LHFPL2: variants seen among roughly 807,000 people sequenced by gnomAD.
The protein encoded by LHFPL2 is LHFPL tetraspan subfamily member 2 protein.
In LHFPL2, 7 loss-of-function variants were observed where a neutral mutation model predicts 17.5. The ratio of observed to expected loss-of-function variants is 0.40; its 90% CI spans 0.23 to 0.75. The LOEUF (loss-of-function observed/expected upper bound fraction) is 0.75. LHFPL2 is among the 30% of genes least tolerant of loss of function. The probability of loss-of-function intolerance (pLI) is 0.37; values close to 1 mark genes in which losing one functional copy is unlikely to be tolerated. For synonymous variants in LHFPL2, 134 were observed against 116.2 expected, an observed-to-expected ratio of 1.15 and a Z score of -0.99; for missense variants, 241 against 294.8, an observed-to-expected ratio of 0.82 and a Z score of 1.34.
At chr5:78,520,944 T>C (rs1314255152) in intron 3 of LHFPL2, among the ~76,000 whole-genome samples, 2 of 152,192 alleles carry the variant, frequency 1.3e-5, no homozygotes, top group Non-Finnish European at 2.9e-5. Flanking sequence ...TTCAGACAAC[T>C]AAAATGCTTG....
chr5:78,517,480 C>T (rs1338686717), intron 3 of LHFPL2, among the ~76,000 whole-genome samples: 1 of 152,166 alleles, frequency 6.6e-6, no homozygotes, highest in African/African-American at 2.4e-5. Context: ...AAGACATACC[C>T]GAAACTGGGT....
rs150388184 is a variant in LHFPL2, at chr5:78,498,145, C to T, written c.431-8992G>A. 3.7e-3 allele frequency among the ~76,000 whole-genome samples: 563 copies of T among 152,268 alleles called. 3 individuals carry two copies. The highest frequency in any genetic ancestry group is 4.8e-3 in the Non-Finnish European group (327 of 68,024). ...GGGTGGTAAATATTAGCAGTGTGAG[C>T]CTGGAGAACGGAAAACACCACTGCG... On this transcript the variant is annotated intron_variant, in intron 4 of 4. Transcript: ENST00000380345.
chr5:78,641,605 A>G (rs1049924913), intron 1 of LHFPL2, among the ~76,000 whole-genome samples: 9 of 152,224 alleles, frequency 5.9e-5, no homozygotes, highest in Non-Finnish European at 1.2e-4. Context: ...TTTGTAAAAT[A>G]GTCTCCATAA....
intron 2 of LHFPL2, among the ~76,000 whole-genome samples, chr5:78,573,475 C>T (rs960488049): frequency 5.9e-5 from 9 of 152,222 alleles, no homozygotes; most frequent in African/African-American, 2.4e-5. Flanking sequence ...ACAGCTGCCC[C>T]ACTTAGAAGA....
chr5:78,627,441 G>A (rs1347396998), intron 2 of LHFPL2, among the ~76,000 whole-genome samples: 1 of 152,108 alleles, frequency 6.6e-6, no homozygotes, highest in Non-Finnish European at 1.5e-5. Flanking sequence ...GGTGCCAGCT[G>A]GTGGCTAGTA....
chr5:78,525,427 A>G (rs189055501), intron 3 of LHFPL2, among the ~76,000 whole-genome samples: 36 of 152,368 alleles, frequency 2.4e-4, no homozygotes, highest in Non-Finnish European at 5.0e-4. Context: ...GATAATGGTT[A>G]AAGAAAAGTC....
At chr5:78,603,076 C>G (rs1339817093) in intron 2 of LHFPL2, among the ~76,000 whole-genome samples, 1 of 151,924 alleles carries the variant, frequency 6.6e-6, no homozygotes, top group East Asian at 1.9e-4. Flanking sequence ...TTTTTTTTAG[C>G]TGAAACGGGG....
At chr5:78,597,727 A>G (rs1271141850) in intron 2 of LHFPL2, among the ~76,000 whole-genome samples, 1 of 152,236 alleles carries the variant, frequency 6.6e-6, no homozygotes, top group East Asian at 1.9e-4. Flanking sequence ...CACTTACCAA[A>G]TGTGCATGAT....
chr5:78,630,407 G>A (rs922186085), intron 2 of LHFPL2, among the ~76,000 whole-genome samples: 2 of 152,104 alleles, frequency 1.3e-5, no homozygotes, highest in Non-Finnish European at 2.9e-5. Context: ...TAACATCTGG[G>A]CTTTTTCATT....
intron 2 of LHFPL2, chr5:78,626,268 C>A (rs1745030288): frequency 6.6e-6 from 1 of 152,202 alleles, no homozygotes; most frequent in African/African-American, 2.4e-5. Context: ...ATTTCTTCTT[C>A]ATCAACTCAC....
chr5:78,533,271 T>C (rs1172539521), intron 3 of LHFPL2, among the ~76,000 whole-genome samples: 1 of 152,234 alleles, frequency 6.6e-6, no homozygotes. Flanking sequence ...TGAGGAGCAC[T>C]GAACATTGAG....
chr5:78,535,972 A>C (rs1939044522), intron 3 of LHFPL2, among the ~76,000 whole-genome samples: 3 of 152,188 alleles, frequency 2.0e-5, no homozygotes, highest in African/African-American at 4.8e-5. Context: ...CCATGGGGAC[A>C]TGGGAGTCAC....
At chr5:78,589,959 T>C (rs1743570123) in intron 2 of LHFPL2, 1 of 152,214 alleles carries the variant, frequency 6.6e-6, no homozygotes, top group South Asian at 2.1e-4. Flanking sequence ...CTGCAGGTGG[T>C]CATCTCAGAA....
rs542271449 is a variant in LHFPL2 at position 78,488,214 on chromosome 5, CTCATA to C, written c.*678_*682del. 1.1e-3 allele frequency: 170 copies of C among 152,336 alleles called. No individual in the cohort carries two copies. Among genetic ancestry groups the C allele is most frequent in the African/African-American group, 3.9e-3 (161 of 41,552 alleles). The allele number at this position is 152,336 out of a possible 1,614,324, so 9.4% of individuals were successfully genotyped here. ...ACTAGCAAGATTTCATATTTTTGTT[CTCATA>C]TGATTGTATAGGTCCTTATTGTTTC... On this transcript the variant is annotated 3_prime_UTR_variant, in exon 5 of 5. Transcript: ENST00000380345.
At chr5:78,503,071 G>C (rs933503990) in intron 4 of LHFPL2, among the ~76,000 whole-genome samples, 1 of 152,138 alleles carries the variant, frequency 6.6e-6, no homozygotes, top group Non-Finnish European at 1.5e-5. Flanking sequence ...GCTCATAAAT[G>C]TGGCTGACCG....
At chr5:78,644,134 C>A (rs987987056) in intron 1 of LHFPL2, 1 of 508,560 alleles carries the variant, frequency 2.0e-6, no homozygotes, top group African/African-American at 2.0e-5. Context: ...GTTAACTATA[C>A]AAAAAAGACA....
intron 2 of LHFPL2, among the ~76,000 whole-genome samples, chr5:78,584,071 G>A (rs1398263911): frequency 2.0e-5 from 3 of 151,236 alleles, no homozygotes; most frequent in Admixed American, 6.6e-5. Flanking sequence ...CCAGTTGATC[G>A]CATCGGCTCC....
intron 2 of LHFPL2, among the ~76,000 whole-genome samples, chr5:78,580,471 G>A (rs1253964746): frequency 2.0e-5 from 3 of 149,714 alleles, no homozygotes; most frequent in Admixed American, 6.7e-5. Context: ...GGGTTTTTAC[G>A]GTTTTAGGTC....
At chr5:78,627,530 C>T (rs1348294330) in intron 2 of LHFPL2, among the ~76,000 whole-genome samples, 1 of 152,170 alleles carries the variant, frequency 6.6e-6, no homozygotes, top group Non-Finnish European at 1.5e-5. Flanking sequence ...CATCCTTTTT[C>T]CTCTGTTTCT....
Sources: gnomAD v4.1 joint callset for allele counts (sites outside exome capture counted in the v4.1 genomes callset) on GRCh38, gnomAD v4.1.1 for gene constraint, MANE v1.5 for transcripts, NCBI Gene and HGNC (gene_info 2026-07-23, HGNC 2026-07-21) for gene names.